Variants in TOP2B observed in about 807,000 individuals in gnomAD.
The protein encoded by TOP2B is DNA topoisomerase 2-beta.
TOP2B carries 51 observed loss-of-function variants against 193.5 expected under a neutral mutation model. The ratio of observed to expected loss-of-function variants is 0.26; its 90% confidence interval spans 0.21 to 0.33. The LOEUF is 0.33. Ranked by LOEUF, TOP2B falls within the 10% of genes least tolerant of loss-of-function variation. The pLI is 1.00. For missense variants in TOP2B, 1,378 were observed against 1,909.3 expected, an observed-to-expected ratio of 0.72 and a Z score of 5.19; for synonymous variants, 634 against 635.7, an observed-to-expected ratio of 1.00 and a Z score of 0.04.
rs894243496 is a variant in TOP2B at position 25,642,351 on chromosome 3, G to A, written c.366C>T (p.Asn122=). The A allele has an allele frequency of 8.4e-6, 13 of 1,548,488 alleles. No individual in the cohort carries two copies. Among genetic ancestry groups the A allele is most frequent in the Non-Finnish European group, 1.1e-5 (13 of 1,144,284 alleles). ...CAATAGAAACTTTAATACAAGTCATGTTCTTATCCCTCTGTTTATTGTCAG... is the reference window on the plus strand; with the variant it reads ...CAATAGAAACTTTAATACAAGTCATATTCTTATCCCTCTGTTTATTGTCAG... ...NAADNKQRDK[N]MTCIKVSIDP... is the part of the protein sequence containing the mutation. Residue 122 remains asparagine, a synonymous_variant, in exon 4 of 36, where the codon AAC becomes AAT. Transcript: ENST00000264331.
intron 1 of TOP2B, among the ~76,000 whole-genome samples, chr3:25,656,436 AAAAT>A (rs746977610): frequency 2.2e-4 from 34 of 152,202 alleles, no homozygotes; most frequent in African/African-American, 2.9e-4. Context: ...CTCCATCACA[AAAAT>A]AAATAAATAA....
At chr3:25,629,962 A>C in intron 13 of TOP2B, 67 bp downstream of exon 13, 1 of 1,463,754 alleles carries the variant, frequency 6.8e-7, no homozygotes, top group Non-Finnish European at 9.1e-7. Context: ...AGTCTCATAA[A>C]ACAAATATTA....
At chr3:25,616,114 A>T in intron 25 of TOP2B, among the ~76,000 whole-genome samples, 1 of 152,016 alleles carries the variant, frequency 6.6e-6, no homozygotes. Flanking sequence ...GAGAAAGTCC[A>T]CTTAAGAATT....
chr3:25,650,989 G>A lies in TOP2B; in HGVS notation c.70-5519C>T, dbSNP rs537825897. Among the ~76,000 whole-genome samples the A allele has an allele frequency of 8.6e-5, 13 of 151,834 alleles. No homozygotes were observed. The East Asian group carries it at 9.6e-4, about 11-fold the overall frequency. On this transcript the variant is annotated intron_variant, in intron 1 of 35. Coordinates refer to ENST00000264331, the MANE Select transcript of TOP2B (RefSeq NM_001330700.2). ...ATGATGTCTTATCCTTCTTAGTACC[G>A]CAAACTAGATTTTGTTCAGACACGT...
chr3:25,660,184 A>G lies in TOP2B; in HGVS notation c.69+4045T>C, dbSNP rs561564924. 8.5e-5 allele frequency among the ~76,000 whole-genome samples: 13 copies of G among 152,326 alleles called. No individual in the cohort carries two copies. The East Asian group carries it at 2.5e-3, about 29-fold the overall frequency. On this transcript the variant is annotated intron_variant, in intron 1 of 35. Transcript: ENST00000264331. ...GTACTTGAGAATGTATCTAAAAAACACTGCTACTTAAACTCTTGTCCTACT... is the reference window on the plus strand; with the variant it reads ...GTACTTGAGAATGTATCTAAAAAACGCTGCTACTTAAACTCTTGTCCTACT...
chr3:25,626,933 A>G lies in TOP2B; in HGVS notation c.2017-69T>C, dbSNP rs3765190. On this transcript the variant is annotated intron_variant, in intron 16 of 35. Coordinates refer to ENST00000264331, the MANE Select transcript of TOP2B (RefSeq NM_001330700.2). ...AAATTTTATTACAAAATTAAAATGTATAAGTGGCCAATAACTAATTCTTAA... is the reference window on the plus strand; with the variant it reads ...AAATTTTATTACAAAATTAAAATGTGTAAGTGGCCAATAACTAATTCTTAA... The G allele has an allele frequency of 2.0e-3, 1,852 of 939,560 alleles. 28 individuals are homozygous for G. In the East Asian group the frequency reaches 0.034, roughly 17 times the overall value. The allele number at this position is 939,560 out of a possible 1,614,324, so 58.2% of individuals were successfully genotyped here.
chr3:25,606,693 G>A (rs1428252179), intron 31 of TOP2B, among the ~76,000 whole-genome samples: 6 of 152,016 alleles, frequency 3.9e-5, no homozygotes, highest in South Asian at 2.1e-4. Flanking sequence ...ATGTATTCAC[G>A]CTCACCAAAA....
In TOP2B at chr3:25,629,023, T is replaced by C; in HGVS notation, c.1800+12A>G. On this transcript the variant is annotated intron_variant, in intron 14 of 35. Transcript: ENST00000264331. ...AGACAACAATATAAAAATATATTAATGCAAAGAGTACCTTTACAATAGGAG... is the reference window on the plus strand; with the variant it reads ...AGACAACAATATAAAAATATATTAACGCAAAGAGTACCTTTACAATAGGAG... 2 of 1,578,718 alleles carry C rather than the reference T, an allele frequency of 1.3e-6. No individual in the cohort carries two copies.
intron 23 of TOP2B, 75 bp downstream of exon 23, chr3:25,619,787 T>A (rs1702609916): frequency 8.8e-6 from 8 of 907,630 alleles, no homozygotes; most frequent in East Asian, 2.8e-5. Context: ...GCCACTCCCA[T>A]CATGAAACCA....
intron 33 of TOP2B, among the ~76,000 whole-genome samples, chr3:25,602,651 T>C (rs1359580377): frequency 2.0e-5 from 3 of 152,120 alleles, no homozygotes; most frequent in Admixed American, 2.0e-4. Flanking sequence ...TGAGTCTTCA[T>C]GACTATATCT....
chr3:25,626,944 A>C, intron 16 of TOP2B, 80 bp from the exon 17 acceptor site: 1 of 855,956 alleles, frequency 1.2e-6, no homozygotes, highest in Non-Finnish European at 1.8e-6. Context: ...TAAGTGGCCA[A>C]TAACTAATTC....
At position 25,615,538 on chromosome 3, in the gene TOP2B, C is replaced by T. The variant is rs776890647; in HGVS notation, c.3400G>A (p.Asp1134Asn). 1.3e-5 allele frequency: 21 copies of T among 1,575,048 alleles called. No homozygotes were observed. The East Asian group carries it at 2.1e-4, about 16-fold the overall frequency. Residue 1134 changes from aspartate to asparagine, a missense_variant, in exon 26 of 36, where the codon GAT becomes AAT. Asp to Asn is a conservative substitution (Grantham distance 23). Around this residue, in one of 9 missense-constraint regions of TOP2B, gnomAD observed 556 missense variants for 584.2 expected, o/e 0.95. Transcript: ENST00000264331. ...TQNQHDDSSS[D>N]SGTPSGPDFN... ...TCTGGGCCTGAAGGAGTTCCTGAATCGGAGGAACTATCATCATGCTGGTTT... is the reference window on the plus strand; with the variant it reads ...TCTGGGCCTGAAGGAGTTCCTGAATTGGAGGAACTATCATCATGCTGGTTT...
chr3:25,633,991 T>C lies in TOP2B; in HGVS notation c.876A>G (p.Val292=), dbSNP rs367663743. The part of the protein sequence containing the change: ...KLPVNGFRSY[V]DLYVKDKLDE... Reference sequence around the variant, plus strand: ...CCAATTTGTCTTTCACATAAAGATCTACATAACTGCGAAATCCATTTACCT... The same window carrying C: ...CCAATTTGTCTTTCACATAAAGATCCACATAACTGCGAAATCCATTTACCT... Residue 292 remains valine, a synonymous_variant, in exon 8 of 36, where the codon GTA becomes GTG. Transcript: ENST00000264331. 3.2e-5 allele frequency: 52 copies of C among 1,606,366 alleles called. No individual in the cohort carries two copies. Among genetic ancestry groups the C allele is most frequent in the Non-Finnish European group, 4.2e-5 (50 of 1,177,692 alleles).
In TOP2B at chr3:25,598,572, G is replaced by GTATT. The variant is rs1397526721; in HGVS notation, c.4711-99_4711-96dup. On this transcript the variant is annotated intron_variant, in intron 35 of 35. Transcript: ENST00000264331. ...CTTAAACTTCGCTTATGTTTAGGAA[G>GTATT]TATTACAAATAATGGTGCTTTTAAA... 7.6e-6 allele frequency: 7 copies of GTATT among 918,292 alleles called. No homozygotes were observed. The East Asian group carries it at 8.9e-5, about 12-fold the overall frequency. The allele number at this position is 918,292 out of a possible 1,614,324, so 56.9% of individuals were successfully genotyped here. A position where few individuals can be genotyped will look rare whatever the true frequency, so the allele number is the denominator to read the frequency against.
chr3:25,623,997 T>C (rs763180185), intron 20 of TOP2B, among the ~76,000 whole-genome samples: 3 of 152,206 alleles, frequency 2.0e-5, no homozygotes, highest in African/African-American at 7.2e-5. Context: ...GATTTAATAT[T>C]GATAACTTTT....
chr3:25,608,943 T>C (rs13326590), intron 30 of TOP2B, among the ~76,000 whole-genome samples: 222 of 152,242 alleles, frequency 1.5e-3, no homozygotes, highest in African/African-American at 5.0e-3. Flanking sequence ...ATCTTAAAAC[T>C]GTGGAAGGAA....
chr3:25,601,069 G>A, intron 34 of TOP2B, 31 bp downstream of exon 34: 1 of 1,606,604 alleles, frequency 6.2e-7, no homozygotes, highest in Non-Finnish European at 8.5e-7. Flanking sequence ...CACAGCATAT[G>A]TTTAAAGGGT....
chr3:25,604,067 T>G (rs1702175839), intron 33 of TOP2B, among the ~76,000 whole-genome samples: 1 of 152,242 alleles, frequency 6.6e-6, no homozygotes, highest in South Asian at 2.1e-4. Flanking sequence ...GCAGGACTTT[T>G]CAAAATTGTT....
rs1244768033 is a variant in TOP2B at position 25,654,554 on chromosome 3, G to C, written c.70-9084C>G. 2.6e-5 allele frequency among the ~76,000 whole-genome samples: 4 copies of C among 152,076 alleles called. No homozygotes were observed. The East Asian group carries it at 7.7e-4, about 29-fold the overall frequency. On this transcript the variant is annotated intron_variant, in intron 1 of 35. Transcript: ENST00000264331. ...ATGCCATTCCTACCAAAATCCCAAT[G>C]GTATTTTTTGCAGAAATACAAAAAA...
Sources: allele counts gnomAD v4.1 joint callset (sites outside exome capture counted in the v4.1 genomes callset), GRCh38; gene constraint gnomAD v4.1.1; regional missense constraint gnomAD v4.1.1; transcripts MANE v1.5; gene names NCBI Gene and HGNC (gene_info 2026-07-23, HGNC 2026-07-21).